IQCM: variants seen among roughly 807,000 people sequenced by gnomAD.
IQCM encodes IQ domain-containing protein M.
IQCM carries 45 observed loss-of-function variants against 57.6 expected under a neutral mutation model. The ratio of observed to expected loss-of-function variants is 0.78; its 90% CI spans 0.62 to 1.00. The LOEUF (loss-of-function observed/expected upper bound fraction) is 1.00, where lower values mean the gene tolerates loss of function less well. IQCM is among the 50% of genes least tolerant of loss of function. The pLI, the probability that IQCM is intolerant of heterozygous loss-of-function variation, is 0.00. For missense variants in IQCM, 468 were observed against 511.6 expected (o/e 0.91, Z 0.82); for synonymous variants, 148 against 158.9 (o/e 0.93, Z 0.51).
rs1315625444 is a variant in IQCM at position 149,735,465 on chromosome 4, T to C, written c.38-7A>G. 2 of 1,163,796 alleles carry C rather than the reference T, an allele frequency of 1.7e-6. No individual in the cohort carries two copies. The highest frequency in any genetic ancestry group is 1.1e-6 in the Non-Finnish European group (1 of 924,876). The allele number at this position is 1,163,796 out of a possible 1,614,324, so 72.1% of individuals were successfully genotyped here. On this transcript the variant is annotated splice_region_variant and splice_polypyrimidine_tract_variant and intron_variant, in intron 3 of 13. Transcript: ENST00000636793. ...GTGATCTCTAATGTAGGACCTAATA[T>C]ACAAACAGAGAAACATTTTTTAAGC... is the stretch of plus-strand genomic sequence containing the variant.
Position 149,584,538 on chromosome 4 carries a change from A to G in IQCM, c.749+3392T>C, listed in dbSNP as rs573131272. Among the ~76,000 whole-genome samples, 8 of 151,868 alleles carry G rather than the reference A, an allele frequency of 5.3e-5. No homozygotes were observed. The South Asian group carries it at 1.4e-3, about 28-fold the overall frequency. On this transcript the variant is annotated intron_variant, in intron 9 of 13. Transcript: ENST00000636793. ...AACTCCCAAATTAAATCAAGTATCT[A>G]TATTCACTATGCAGTCTTTTCAACC... is the stretch of plus-strand genomic sequence containing the variant.
chr4:149,671,601 T>C (rs1264511450), intron 7 of IQCM, among the ~76,000 whole-genome samples: 2 of 152,210 alleles, frequency 1.3e-5, no homozygotes, highest in East Asian at 1.9e-4. Context: ...TCCTGCTTTC[T>C]CTTGTGGGCA....
At chr4:149,655,576 T>C (rs1759566406) in intron 7 of IQCM, among the ~76,000 whole-genome samples, 1 of 152,176 alleles carries the variant, frequency 6.6e-6, no homozygotes, top group African/African-American at 2.4e-5. Flanking sequence ...ATATTTTCTA[T>C]AATATTGTTA....
intron 5 of IQCM, among the ~76,000 whole-genome samples, chr4:149,702,956 A>T (rs950885955): frequency 6.6e-6 from 1 of 151,896 alleles, no homozygotes; most frequent in African/African-American, 2.4e-5. Flanking sequence ...AAATATTCTG[A>T]CAAGAAATCA....
intron 13 of IQCM, among the ~76,000 whole-genome samples, chr4:149,390,511 A>G (rs1158173348): frequency 6.6e-6 from 1 of 151,830 alleles, no homozygotes; most frequent in East Asian, 1.9e-4. Flanking sequence ...TTCTGATCTT[A>G]GGGGAAAAGT....
intron 7 of IQCM, among the ~76,000 whole-genome samples, chr4:149,658,932 T>C (rs948265746): frequency 3.9e-5 from 6 of 152,110 alleles, no homozygotes; most frequent in Admixed American, 3.9e-4. Context: ...AGGAACACTT[T>C]GACCTTCTCC....
At chr4:149,390,394 C>T (rs539114161) in intron 13 of IQCM, among the ~76,000 whole-genome samples, 2 of 150,136 alleles carry the variant, frequency 1.3e-5, no homozygotes, top group East Asian at 3.9e-4. Flanking sequence ...TTACTTCTTC[C>T]TTCTCCATCT....
intron 13 of IQCM, among the ~76,000 whole-genome samples, chr4:149,361,542 G>A (rs1414462907): frequency 1.3e-5 from 2 of 152,214 alleles, no homozygotes; most frequent in Non-Finnish European, 2.9e-5. Context: ...AGCCATTCCA[G>A]CTGTGGCTGA....
chr4:149,415,726 T>C (rs143091089), intron 13 of IQCM, among the ~76,000 whole-genome samples: 3 of 152,136 alleles, frequency 2.0e-5, no homozygotes, highest in African/African-American at 4.8e-5. Flanking sequence ...ATAGGTAAAG[T>C]AGTAATAAGC....
intron 2 of IQCM, among the ~76,000 whole-genome samples, chr4:149,780,531 T>TTATATA (rs371081838): frequency 1.7e-4 from 24 of 138,168 alleles, no homozygotes; most frequent in African/African-American, 5.0e-4. Flanking sequence ...AATATGTAAG[T>TTATATA]TATATATATA....
chr4:149,460,148 G>C (rs1738121399), intron 12 of IQCM, among the ~76,000 whole-genome samples: 1 of 152,084 alleles, frequency 6.6e-6, no homozygotes, highest in Admixed American at 6.6e-5. Flanking sequence ...TCGTAGTTTT[G>C]ATTTGCATTT....
At chr4:149,545,114 A>G (rs1405202517) in intron 12 of IQCM, among the ~76,000 whole-genome samples, 1 of 152,164 alleles carries the variant, frequency 6.6e-6, no homozygotes, top group East Asian at 1.9e-4. Flanking sequence ...AAGCAGGAGG[A>G]TCACTTGAGA....
At chr4:149,521,067 T>C (rs116024356) in intron 12 of IQCM, among the ~76,000 whole-genome samples, 412 of 152,296 alleles carry the variant, frequency 2.7e-3, no homozygotes, top group African/African-American at 9.6e-3. Context: ...CTTGGGTCCA[T>C]AAGAATCTGT....
At chr4:149,797,741 A>G (rs942302450) in intron 2 of IQCM, among the ~76,000 whole-genome samples, 1 of 151,992 alleles carries the variant, frequency 6.6e-6, no homozygotes, top group Admixed American at 6.6e-5. Context: ...AGACTTTTCA[A>G]TGGAAACCTG....
intron 13 of IQCM, among the ~76,000 whole-genome samples, chr4:149,431,436 A>G (rs1295384002): frequency 6.6e-6 from 1 of 151,888 alleles, no homozygotes; most frequent in East Asian, 1.9e-4. Context: ...ACATCTTCTT[A>G]TGGACTTTTT....
At chr4:149,631,557 G>A (rs2064617113) in intron 7 of IQCM, among the ~76,000 whole-genome samples, 1 of 151,830 alleles carries the variant, frequency 6.6e-6, no homozygotes, top group East Asian at 1.9e-4. Flanking sequence ...TAACTGTATT[G>A]TAAGAAAAAA....
At chr4:149,597,392 C>A (rs1037114531) in intron 8 of IQCM, among the ~76,000 whole-genome samples, 1 of 151,836 alleles carries the variant, frequency 6.6e-6, no homozygotes, top group Non-Finnish European at 1.5e-5. Context: ...TGCTTTTTTT[C>A]TTTGTTTTTT....
intron 12 of IQCM, among the ~76,000 whole-genome samples, chr4:149,536,819 C>T (rs923569312): frequency 7.9e-5 from 12 of 151,876 alleles, no homozygotes; most frequent in Non-Finnish European, 1.5e-4. Flanking sequence ...TTGATTTATT[C>T]TTTAAATTAT....
At chr4:149,776,136 A>C (rs1262112025) in intron 2 of IQCM, among the ~76,000 whole-genome samples, 3 of 152,124 alleles carry the variant, frequency 2.0e-5, no homozygotes, top group Non-Finnish European at 4.4e-5. Flanking sequence ...TGTCTCTAAA[A>C]AATTTAATTT....
Sources: allele counts gnomAD v4.1 joint callset (sites outside exome capture counted in the v4.1 genomes callset), GRCh38; gene constraint gnomAD v4.1.1; transcripts MANE v1.5; gene names NCBI Gene and HGNC (gene_info 2026-07-23, HGNC 2026-07-21).